The following KCNQ5 variants were observed in gnomAD, a reference collection of about 807,000 sequenced individuals.
KCNQ5 encodes the protein potassium voltage-gated channel subfamily KQT member 5.
In KCNQ5, 30 loss-of-function variants were observed where a neutral mutation model predicts 98.2. That is an observed-to-expected ratio of 0.31 (90% CI 0.23 to 0.41). The LOEUF is 0.41. Ranked by LOEUF, KCNQ5 falls within the 10% of genes least tolerant of loss-of-function variation. The pLI is 1.00. For synonymous variants in KCNQ5, 458 were observed against 449.4 expected (o/e 1.02, Z -0.24); for missense variants, 835 against 1,182.5 (o/e 0.71, Z 4.31).
At chr6:72,803,406 A>G (rs1166801070) in intron 1 of KCNQ5, among the ~76,000 whole-genome samples, 1 of 152,114 alleles carries the variant, frequency 6.6e-6, no homozygotes, top group Non-Finnish European at 1.5e-5. Context: ...CCAAACATAT[A>G]AATTTCTCCA....
intron 2 of KCNQ5, among the ~76,000 whole-genome samples, chr6:73,019,510 C>T (rs868832653): frequency 3.3e-5 from 5 of 152,172 alleles, no homozygotes; most frequent in Middle Eastern, 6.8e-3. Context: ...CTAAGTTTGG[C>T]GGGTATCATC....
intron 1 of KCNQ5, among the ~76,000 whole-genome samples, chr6:72,922,810 C>CTTTTTCTTTTTTTTTTTTT (rs1554186016): frequency 1.1e-3 from 117 of 103,828 alleles, no homozygotes; most frequent in East Asian, 1.7e-3. Context: ...TTTTCTTTTT[C>CTTTTTCTTTTTTTTTTTTT]TTTTTTTTTT....
chr6:72,973,338 T>G (rs1046762655), intron 1 of KCNQ5, among the ~76,000 whole-genome samples: 1 of 152,016 alleles, frequency 6.6e-6, no homozygotes, highest in Admixed American at 6.6e-5. Flanking sequence ...CCTAAGTCAC[T>G]CAAAAGAAAA....
chr6:72,966,596 GA>G (rs1245608922), intron 1 of KCNQ5, among the ~76,000 whole-genome samples: 9 of 151,054 alleles, frequency 6.0e-5, no homozygotes, highest in Admixed American at 6.0e-4. Flanking sequence ...AAGAGAGAGA[GA>G]AAAAAAAGAA....
intron 1 of KCNQ5, among the ~76,000 whole-genome samples, chr6:72,752,181 C>T (rs914592460): frequency 2.0e-5 from 3 of 152,074 alleles, no homozygotes; most frequent in African/African-American, 4.8e-5. Context: ...GCATGAAAGA[C>T]GTTGTCCTTT....
intron 1 of KCNQ5, among the ~76,000 whole-genome samples, chr6:72,841,316 C>T (rs772443291): frequency 2.0e-5 from 3 of 152,156 alleles, no homozygotes; most frequent in Non-Finnish European, 4.4e-5. Flanking sequence ...TTCTACCTAG[C>T]TTGAAAACAC....
intron 10 of KCNQ5, chr6:73,133,948 C>T: frequency 2.0e-6 from 1 of 511,950 alleles, no homozygotes; most frequent in Non-Finnish European, 3.9e-6. Flanking sequence ...ATCAATGGGA[C>T]TGTCATTCTG....
chr6:72,909,625 G>C (rs1255270381), intron 1 of KCNQ5, among the ~76,000 whole-genome samples: 1 of 152,078 alleles, frequency 6.6e-6, no homozygotes, highest in Non-Finnish European at 1.5e-5. Flanking sequence ...ATGTTTTCTA[G>C]AACTCTTGAA....
chr6:72,983,455 G>C (rs1256485953), intron 1 of KCNQ5, among the ~76,000 whole-genome samples: 1 of 151,844 alleles, frequency 6.6e-6, no homozygotes, highest in Non-Finnish European at 1.5e-5. Flanking sequence ...TCTTCCACTT[G>C]ATCGATAAGG....
At position 73,169,827 on chromosome 6, in the gene KCNQ5, C is replaced by A; in HGVS notation, c.1550C>A (p.Pro517Gln). 1 of 1,612,282 alleles carries A rather than the reference C, an allele frequency of 6.2e-7. No homozygotes were observed. The highest frequency in any genetic ancestry group is 8.5e-7 in the Non-Finnish European group (1 of 1,178,328). ...CDVSVEDLTP[P>Q]LKTVIRAIRI... ...GTATCAGTGGAAGACCTCACCCCACCACTTAAAACTGTCATTCGAGCTATC... is the reference window on the plus strand; with the variant it reads ...GTATCAGTGGAAGACCTCACCCCACAACTTAAAACTGTCATTCGAGCTATC... The change falls in exon 11 of 14, where the codon CCA (proline) becomes CAA (glutamine). Residue 517 changes from proline (P) to glutamine (Q), a missense_variant. Physicochemically the swap from Pro to Gln is moderately conservative, Grantham distance 76 (BLOSUM62 -1). Transcript: ENST00000370398.
At chr6:72,767,645 A>G (rs1390181487) in intron 1 of KCNQ5, among the ~76,000 whole-genome samples, 1 of 152,070 alleles carries the variant, frequency 6.6e-6, no homozygotes. Context: ...TCAATAGTAT[A>G]AAGACATTTC....
rs376273426 is a variant in KCNQ5 at position 72,995,368 on chromosome 6, C to CAAAAA, written c.399-8527_399-8523dup. Among the ~76,000 whole-genome samples, 2 of 70,174 alleles carry CAAAAA rather than the reference C, an allele frequency of 2.9e-5. 1 individual carries two copies. Among genetic ancestry groups the CAAAAA allele is most frequent in the African/African-American group, 9.0e-5 (2 of 22,174 alleles). The allele number at this position is 70,174 out of a possible 152,430, so 46.0% of individuals were successfully genotyped here. A position where few individuals can be genotyped will look rare whatever the true frequency, so the allele number is the denominator to read the frequency against. On this transcript the variant is annotated intron_variant, in intron 1 of 13. Transcript: ENST00000370398. Reference sequence around the variant, plus strand: ...AGGCAACAAGAGCGAAACTCTGTCTCAAAAAAAAAAAAAAAAAGGGAAAGA... The same window carrying CAAAAA: ...AGGCAACAAGAGCGAAACTCTGTCTCAAAAAAAAAAAAAAAAAAAAAAGGGAAAGA...
chr6:72,994,624 G>GTCGC (rs1769199199), intron 1 of KCNQ5, among the ~76,000 whole-genome samples: 1 of 150,750 alleles, frequency 6.6e-6, no homozygotes, highest in Non-Finnish European at 1.5e-5. Context: ...CGTCTTCTGC[G>GTCGC]TCGCTCACGC....
chr6:72,813,254 C>T (rs1006766458), intron 1 of KCNQ5, among the ~76,000 whole-genome samples: 5 of 152,184 alleles, frequency 3.3e-5, no homozygotes, highest in Middle Eastern at 3.4e-3. Context: ...GGGCTTATTT[C>T]CAGAATTCTC....
intron 10 of KCNQ5, among the ~76,000 whole-genome samples, chr6:73,141,673 C>T (rs1776716285): frequency 6.6e-6 from 1 of 152,162 alleles, no homozygotes. Flanking sequence ...GCCAAATGAC[C>T]TTCGAGTGCT....
chr6:73,025,654 A>T (rs1049230408), intron 2 of KCNQ5, among the ~76,000 whole-genome samples: 4 of 27,462 alleles, frequency 1.5e-4, no homozygotes, highest in African/African-American at 2.0e-4. Flanking sequence ...AAAAAAAAAA[A>T]AAAAATTCAA....
intron 1 of KCNQ5, among the ~76,000 whole-genome samples, chr6:72,894,328 G>A (rs1318082997): frequency 6.6e-6 from 1 of 152,164 alleles, no homozygotes; most frequent in Non-Finnish European, 1.5e-5. Context: ...CCAGTACCTT[G>A]ATGTTTTCTC....
chr6:73,037,542 T>C (rs1771494078), intron 2 of KCNQ5, among the ~76,000 whole-genome samples: 1 of 152,212 alleles, frequency 6.6e-6, no homozygotes, highest in South Asian at 2.1e-4. Context: ...TATCATAAGA[T>C]AGGAAGTATA....
At chr6:72,954,150 T>A (rs1289448800) in intron 1 of KCNQ5, among the ~76,000 whole-genome samples, 1 of 152,234 alleles carries the variant, frequency 6.6e-6, no homozygotes, top group Admixed American at 6.5e-5. Context: ...ACAGCTTTCT[T>A]ATCTGTGACA....
Sources: allele counts gnomAD v4.1 joint callset (sites outside exome capture counted in the v4.1 genomes callset), GRCh38; gene constraint gnomAD v4.1.1; transcripts MANE v1.5; gene names NCBI Gene and HGNC (gene_info 2026-07-23, HGNC 2026-07-21).